The following CHN1 variants were observed in gnomAD, a reference collection of about 807,000 sequenced individuals.
CHN1 encodes the protein chimerin 1, also known as N-chimaerin.
Under a neutral mutation model 59.5 loss-of-function variants are expected in CHN1, and 37 were observed. The observed-to-expected ratio is 0.62, with a 90% CI of 0.48 to 0.82. The LOEUF (loss-of-function observed/expected upper bound fraction) is 0.82. Among genes scored for constraint, CHN1 ranks in the 40% least tolerant of loss-of-function variants. CHN1 has a pLI of 0.00. For synonymous variants in CHN1, 206 were observed against 200.4 expected, an observed-to-expected ratio of 1.03 and a Z score of -0.24; for missense variants, 469 against 571.0, an observed-to-expected ratio of 0.82 and a Z score of 1.82.
At chr2:174,816,062 C>G (rs535565732) in intron 8 of CHN1, among the ~76,000 whole-genome samples, 2 of 152,240 alleles carry the variant, frequency 1.3e-5, no homozygotes, top group South Asian at 4.1e-4. Context: ...GCTGTGCCCA[C>G]AAACTGGGTT....
chr2:174,926,518 G>A (rs1266045886), intron 3 of CHN1, among the ~76,000 whole-genome samples: 2 of 152,138 alleles, frequency 1.3e-5, no homozygotes, highest in Non-Finnish European at 2.9e-5. Context: ...CCCTGGCATT[G>A]TAAATTGATA....
chr2:175,004,958 G>T lies in CHN1; in HGVS notation c.-46C>A. ...CCCGCGAGTCCAGGCGCTCCTCCCAGGCGGGCTAGGGATCACCTCATCAGC... is the reference window on the plus strand; with the variant it reads ...CCCGCGAGTCCAGGCGCTCCTCCCATGCGGGCTAGGGATCACCTCATCAGC... On this transcript the variant is annotated 5_prime_UTR_variant, in exon 1 of 13. In the 5' UTR this introduces an upstream ATG that the reference lacks. Transcript: ENST00000409900. 6.6e-7 allele frequency: 1 copy of T among 1,519,988 alleles called. No homozygotes were observed. The allele number at this position is 1,519,988 out of a possible 1,614,324, so 94.2% of individuals were successfully genotyped here. A position where few individuals can be genotyped will look rare whatever the true frequency, so the allele number is the denominator to read the frequency against.
chr2:174,929,081 C>A (rs904214774), intron 3 of CHN1, among the ~76,000 whole-genome samples: 1 of 152,162 alleles, frequency 6.6e-6, no homozygotes, highest in Admixed American at 6.5e-5. Context: ...CTTTCAGATA[C>A]CTGCCTTCCT....
chr2:174,900,281 C>T (rs1460650558), intron 5 of CHN1, among the ~76,000 whole-genome samples: 1 of 151,940 alleles, frequency 6.6e-6, no homozygotes, highest in African/African-American at 2.4e-5. Context: ...GCTTCTCGGG[C>T]CAGGAGTTCA....
At chr2:174,898,353 G>C (rs1237071763) in intron 5 of CHN1, among the ~76,000 whole-genome samples, 1 of 150,974 alleles carries the variant, frequency 6.6e-6, no homozygotes, top group Admixed American at 6.6e-5. Flanking sequence ...TGTAATCCCA[G>C]AACTTTGGGA....
rs181662579 is a variant in CHN1 at position 174,864,208 on chromosome 2, T to C, written c.549+13632A>G. Among the ~76,000 whole-genome samples the C allele has an allele frequency of 1.9e-3, 283 of 152,302 alleles. 2 individuals are homozygous for C. The highest frequency in any genetic ancestry group is 5.0e-3 in the Admixed American group (76 of 15,304). ...AGTGTTACATATAGACTCTAGAGTA[T>C]TGATTTGGAAAGCACTTCAACTATC... is the stretch of plus-strand genomic sequence containing the variant. On this transcript the variant is annotated intron_variant, in intron 6 of 12. Coordinates refer to ENST00000409900, the MANE Select transcript of CHN1 (RefSeq NM_001822.7).
chr2:174,980,641 T>A (rs1300725704), intron 1 of CHN1, among the ~76,000 whole-genome samples: 1 of 152,056 alleles, frequency 6.6e-6, no homozygotes, highest in Non-Finnish European at 1.5e-5. Flanking sequence ...TTCCTAAGAG[T>A]GATGAAGATG....
chr2:174,852,528 C>T (rs1686767927), intron 6 of CHN1, among the ~76,000 whole-genome samples: 1 of 152,146 alleles, frequency 6.6e-6, no homozygotes, highest in Non-Finnish European at 1.5e-5. Flanking sequence ...AGATTCAACA[C>T]TATTCCTGTC....
At chr2:174,874,343 C>T (rs1051363462) in intron 6 of CHN1, among the ~76,000 whole-genome samples, 3 of 152,208 alleles carry the variant, frequency 2.0e-5, no homozygotes, top group African/African-American at 7.2e-5. Flanking sequence ...GGAAGAAAGT[C>T]TGGCTTCTCA....
In CHN1 at chr2:174,819,085, C is replaced by A. The variant is rs1685386007; in HGVS notation, c.712+5349G>T. ...CATCAGAAGTAATTATTTTTATAAG[C>A]AAAATTAAGAAGAATGCTTTGTTCT... On this transcript the variant is annotated intron_variant, in intron 8 of 12. Transcript: ENST00000409900. 8.6e-5 allele frequency among the ~76,000 whole-genome samples: 13 copies of A among 151,974 alleles called. No individual in the cohort carries two copies. In the South Asian group the frequency reaches 2.5e-3, roughly 29 times the overall value.
chr2:174,825,571 A>G (rs1685656281), intron 7 of CHN1, among the ~76,000 whole-genome samples: 2 of 152,230 alleles, frequency 1.3e-5, no homozygotes, highest in South Asian at 4.1e-4. Context: ...TTCTAGGTTA[A>G]CTCAGACAAA....
At chr2:174,811,357 G>GA (rs1222986666) in intron 10 of CHN1, 154 bp downstream of exon 10, 2 of 543,568 alleles carry the variant, frequency 3.7e-6, no homozygotes, top group African/African-American at 1.9e-5. Flanking sequence ...TTACAACTCA[G>GA]AAAAAAGAAG....
intron 6 of CHN1, among the ~76,000 whole-genome samples, chr2:174,871,770 G>T (rs1574110345): frequency 6.6e-6 from 1 of 152,092 alleles, no homozygotes; most frequent in East Asian, 1.9e-4. Flanking sequence ...TATTAAATAG[G>T]GAGAAATAAT....
intron 5 of CHN1, among the ~76,000 whole-genome samples, chr2:174,892,354 A>G (rs1183496144): frequency 6.6e-6 from 1 of 152,244 alleles, no homozygotes; most frequent in Admixed American, 6.5e-5. Flanking sequence ...CCTTTATAAA[A>G]GAGGCTTCAC....
At chr2:174,967,013 C>T (rs1236211351) in intron 1 of CHN1, among the ~76,000 whole-genome samples, 1 of 152,072 alleles carries the variant, frequency 6.6e-6, no homozygotes, top group Admixed American at 6.6e-5. Flanking sequence ...AACTCGATAA[C>T]GACAATAAAG....
chr2:174,948,296 T>C (rs1010201139), intron 2 of CHN1, among the ~76,000 whole-genome samples: 4 of 152,194 alleles, frequency 2.6e-5, no homozygotes, highest in African/African-American at 7.2e-5. Flanking sequence ...GAGTCTAACA[T>C]GACAATAAAA....
chr2:174,855,750 G>C (rs531649920), intron 6 of CHN1, among the ~76,000 whole-genome samples: 82 of 152,172 alleles, frequency 5.4e-4, no homozygotes, highest in African/African-American at 1.8e-3. Context: ...TCATTTTATA[G>C]ATGAGAATTG....
intron 3 of CHN1, among the ~76,000 whole-genome samples, chr2:174,935,556 T>C (rs1165494712): frequency 6.6e-6 from 1 of 152,170 alleles, no homozygotes; most frequent in Admixed American, 6.5e-5. Context: ...CATAATCTGC[T>C]TGGGGGAGAC....
chr2:174,826,150 T>G (rs1685673304), intron 7 of CHN1, among the ~76,000 whole-genome samples: 1 of 152,212 alleles, frequency 6.6e-6, no homozygotes, highest in African/African-American at 2.4e-5. Flanking sequence ...CCCTTCTATG[T>G]GTTTTATGGA....
Sources: gnomAD v4.1 joint callset for allele counts (sites outside exome capture counted in the v4.1 genomes callset) on GRCh38, gnomAD v4.1.1 for gene constraint, MANE v1.5 for transcripts, NCBI Gene and HGNC (gene_info 2026-07-23, HGNC 2026-07-21) for gene names.